Variants in VAV3 observed in about 807,000 individuals in gnomAD.
The protein encoded by VAV3 is vav guanine nucleotide exchange factor 3.
In VAV3, 94 loss-of-function variants were observed where a neutral mutation model predicts 131.2. The observed-to-expected ratio is 0.72, with a 90% confidence interval of 0.61 to 0.85. The LOEUF is 0.85. VAV3 is among the 40% of genes least tolerant of loss of function. VAV3 has a pLI of 0.00. For synonymous variants in VAV3, 349 were observed against 342.0 expected (o/e 1.02, Z -0.22); for missense variants, 939 against 1,002.7 (o/e 0.94, Z 0.86).
intron 2 of VAV3, among the ~76,000 whole-genome samples, chr1:107,780,197 T>C (rs899175056): frequency 1.3e-5 from 2 of 152,206 alleles, no homozygotes; most frequent in African/African-American, 4.8e-5. Flanking sequence ...AGTTAGATTA[T>C]TAACAATCAT....
At chr1:107,673,405 T>G (rs1657964329) in intron 19 of VAV3, among the ~76,000 whole-genome samples, 1 of 152,224 alleles carries the variant, frequency 6.6e-6, no homozygotes, top group Non-Finnish European at 1.5e-5. Context: ...CTTCTCCAAC[T>G]CAGGGCCTTT....
chr1:107,638,179 A>G (rs1413261519), intron 20 of VAV3, among the ~76,000 whole-genome samples: 3 of 152,188 alleles, frequency 2.0e-5, no homozygotes, highest in Non-Finnish European at 4.4e-5. Context: ...CATGACTTCT[A>G]TTTGACATTT....
intron 16 of VAV3, 76 bp from the exon 17 acceptor site, chr1:107,704,726 A>G: frequency 8.0e-7 from 1 of 1,255,096 alleles, no homozygotes. Context: ...CAAGAAGAAG[A>G]AAAAAAGTAT....
intron 1 of VAV3, among the ~76,000 whole-genome samples, chr1:107,906,836 T>A (rs939082442): frequency 1.3e-5 from 2 of 152,094 alleles, no homozygotes; most frequent in Admixed American, 6.5e-5. Context: ...AAGTGTAAAA[T>A]GAAAGAGGTA....
chr1:107,574,864 T>C (rs1391417908), intron 25 of VAV3, among the ~76,000 whole-genome samples: 1 of 152,158 alleles, frequency 6.6e-6, no homozygotes, highest in Non-Finnish European at 1.5e-5. Context: ...TTTTCTTTCT[T>C]TGAAACAAAT....
chr1:107,934,886 G>A (rs78136458), intron 1 of VAV3, among the ~76,000 whole-genome samples: 22,990 of 152,240 alleles, frequency 0.15, 1,868 homozygotes, highest in South Asian at 0.22. Flanking sequence ...GAGAGGAGAC[G>A]TGCTACAAGA....
At chr1:107,761,614 T>C (rs923439000) in intron 9 of VAV3, among the ~76,000 whole-genome samples, 20 of 152,272 alleles carry the variant, frequency 1.3e-4, no homozygotes, top group African/African-American at 4.8e-4. Context: ...TCAACTATGA[T>C]GTGCTTTGTC....
chr1:107,771,006 A>T (rs1665010575), intron 5 of VAV3, among the ~76,000 whole-genome samples: 1 of 152,230 alleles, frequency 6.6e-6, no homozygotes, highest in African/African-American at 2.4e-5. Context: ...TGGAAACACC[A>T]TAAATGGTGT....
intron 2 of VAV3, among the ~76,000 whole-genome samples, chr1:107,793,293 A>T (rs1347910958): frequency 1.3e-5 from 2 of 152,214 alleles, no homozygotes; most frequent in Non-Finnish European, 2.9e-5. Flanking sequence ...CACAAAAACC[A>T]AAACAGCCTG....
chr1:107,705,987 C>CT (rs556247887), intron 15 of VAV3, among the ~76,000 whole-genome samples: 16 of 151,598 alleles, frequency 1.1e-4, no homozygotes, highest in South Asian at 8.4e-4. Flanking sequence ...AAACATTTAA[C>CT]TTTTTTTTTA....
chr1:107,801,732 C>A (rs1381741786), intron 2 of VAV3, among the ~76,000 whole-genome samples: 1 of 152,138 alleles, frequency 6.6e-6, no homozygotes, highest in Non-Finnish European at 1.5e-5. Context: ...GACCACAAGG[C>A]ACCCCTGGAG....
chr1:107,961,883 AT>A (rs1675108083), intron 1 of VAV3, among the ~76,000 whole-genome samples: 1 of 152,234 alleles, frequency 6.6e-6, no homozygotes, highest in South Asian at 2.1e-4. Flanking sequence ...ATTTTTTTAA[AT>A]GCAAACAAGG....
intron 25 of VAV3, among the ~76,000 whole-genome samples, chr1:107,587,143 G>A (rs145158149): frequency 9.9e-5 from 15 of 152,134 alleles, no homozygotes; most frequent in African/African-American, 2.7e-4. Flanking sequence ...CACTTGAGAC[G>A]TGAGTATGAT....
At chr1:107,825,045 A>G (rs1207673056) in intron 2 of VAV3, among the ~76,000 whole-genome samples, 1 of 152,184 alleles carries the variant, frequency 6.6e-6, no homozygotes, top group Non-Finnish European at 1.5e-5. Context: ...TTTTGTAAAT[A>G]AAGTTTTATT....
chr1:107,888,108 A>G (rs180735613), intron 1 of VAV3, among the ~76,000 whole-genome samples: 1 of 152,302 alleles, frequency 6.6e-6, no homozygotes, highest in East Asian at 1.9e-4. Context: ...TTACTTTATA[A>G]TCTTGTATTA....
chr1:107,579,430 T>A (rs898853540), intron 25 of VAV3, among the ~76,000 whole-genome samples: 2 of 152,194 alleles, frequency 1.3e-5, no homozygotes, highest in African/African-American at 4.8e-5. Flanking sequence ...AGTCCCATGT[T>A]TCCCCCCTGC....
chr1:107,679,844 T>A (rs17539492), intron 19 of VAV3, among the ~76,000 whole-genome samples: 35 of 152,294 alleles, frequency 2.3e-4, no homozygotes, highest in Non-Finnish European at 4.3e-4. Context: ...GTTATTTTCC[T>A]GATACCAACA....
intron 1 of VAV3, among the ~76,000 whole-genome samples, chr1:107,900,216 A>C (rs1671787291): frequency 6.6e-6 from 1 of 152,188 alleles, no homozygotes; most frequent in Non-Finnish European, 1.5e-5. Flanking sequence ...TAGGAAACCT[A>C]CTGAAAATTA....
intron 15 of VAV3, among the ~76,000 whole-genome samples, chr1:107,715,872 C>A (rs1404769702): frequency 1.3e-5 from 2 of 152,060 alleles, no homozygotes; most frequent in African/African-American, 4.8e-5. Context: ...TGAGCTGGCA[C>A]AGTGAATTTA....
Sources: allele counts gnomAD v4.1 joint callset (sites outside exome capture counted in the v4.1 genomes callset), GRCh38; gene constraint gnomAD v4.1.1; transcripts MANE v1.5; gene names NCBI Gene and HGNC (gene_info 2026-07-23, HGNC 2026-07-21).